The following VDR variants were observed in gnomAD, a reference collection of about 807,000 sequenced individuals.
The protein encoded by VDR is vitamin D3 receptor.
Under a neutral mutation model 39.7 loss-of-function variants are expected in VDR, and 19 were observed. The ratio of observed to expected loss-of-function variants is 0.48; its 90% CI spans 0.33 to 0.70. VDR has a LOEUF of 0.70. Among genes scored for constraint, VDR ranks in the 30% least tolerant of loss-of-function variants. The pLI is 0.02. For synonymous variants in VDR, 242 were observed against 215.8 expected (o/e 1.12, Z -1.07); for missense variants, 442 against 570.5 (o/e 0.77, Z 2.29).
At chr12:47,904,755 G>T in intron 1 of VDR, 200 bp downstream of exon 1, 2 of 981,380 alleles carry the variant, frequency 2.0e-6, no homozygotes, top group South Asian at 1.6e-5. Context: ...AGCCTGGCAC[G>T]AACTTCAGCT....
At chr12:47,845,564 C>T (rs1039210618) in intron 9 of VDR, among the ~76,000 whole-genome samples, 1 of 152,166 alleles carries the variant, frequency 6.6e-6, no homozygotes, top group African/African-American at 2.4e-5. Context: ...AATGTTTCCT[C>T]CTAAGCTTCA....
At chr12:47,862,865 C>G (rs1443670391) in intron 4 of VDR, among the ~76,000 whole-genome samples, 1 of 152,220 alleles carries the variant, frequency 6.6e-6, no homozygotes, top group African/African-American at 2.4e-5. Flanking sequence ...ACAGTCTTCC[C>G]TTCAGGAAAG....
intron 3 of VDR, among the ~76,000 whole-genome samples, chr12:47,865,661 C>G (rs1488060477): frequency 6.6e-6 from 1 of 151,216 alleles, no homozygotes; most frequent in Non-Finnish European, 1.5e-5. Context: ...AATCCTCTAT[C>G]CTAGGCCTCC....
intron 3 of VDR, among the ~76,000 whole-genome samples, chr12:47,872,363 G>A (rs1945901813): frequency 6.6e-6 from 1 of 152,190 alleles, no homozygotes; most frequent in Non-Finnish European, 1.5e-5. Flanking sequence ...AGCAGAAAGA[G>A]GCAGTGGGAG....
At chr12:47,881,022 C>T (rs936455758) in intron 2 of VDR, among the ~76,000 whole-genome samples, 1 of 149,958 alleles carries the variant, frequency 6.7e-6, no homozygotes, top group African/African-American at 2.4e-5. Context: ...ATCATTGCAG[C>T]GATAGCAAAG....
chr12:47,904,102 AGAGGAG>A (rs11574014), intron 1 of VDR, among the ~76,000 whole-genome samples: 7 of 148,646 alleles, frequency 4.7e-5, no homozygotes, highest in Non-Finnish European at 8.9e-5. Flanking sequence ...AGGAGGAACA[AGAGGAG>A]GAGGAGGAGG....
At chr12:47,904,522 A>AC (rs1388685197) in intron 1 of VDR, 12 of 1,416,762 alleles carry the variant, frequency 8.5e-6, no homozygotes, top group Non-Finnish European at 1.1e-5. Context: ...ATCACAGGTG[A>AC]CCATACCTGG....
In VDR at chr12:47,861,790, A is replaced by C. The variant is rs185074035; in HGVS notation, c.277+3257T>G. Reference sequence around the variant, plus strand: ...GCTGAGTGTGAAATAATTTTGCGCAAGTTATTCCCATGCAAGACATGTTCT... The same window carrying C: ...GCTGAGTGTGAAATAATTTTGCGCACGTTATTCCCATGCAAGACATGTTCT... On this transcript the variant is annotated intron_variant, in intron 4 of 9. Transcript: ENST00000549336. 7.9e-5 allele frequency among the ~76,000 whole-genome samples: 12 copies of C among 152,354 alleles called. No individual in the cohort carries two copies. In the East Asian group the frequency reaches 2.1e-3, roughly 27 times the overall value.
chr12:47,903,537 C>T (rs951638544), intron 1 of VDR, among the ~76,000 whole-genome samples: 1 of 152,250 alleles, frequency 6.6e-6, no homozygotes, highest in African/African-American at 2.4e-5. Context: ...CGGCAGGTCT[C>T]TCAACACACA....
rs557408076 is a variant in VDR, at chr12:47,845,790, G to A, written c.1024+545C>T. On this transcript the variant is annotated intron_variant, in intron 9 of 9. Transcript: ENST00000549336. The stretch of plus-strand genomic sequence containing the variant: ...CACTAGCACAGGCTGAGGCAGGGCC[G>A]CCCCTCTTTGGACCTCATCACCGAC... 3.3e-5 allele frequency among the ~76,000 whole-genome samples: 5 copies of A among 152,292 alleles called. No individual in the cohort carries two copies. In the South Asian group the frequency reaches 6.2e-4, roughly 19 times the overall value.
intron 3 of VDR, among the ~76,000 whole-genome samples, chr12:47,878,210 TTC>T (rs146997322): frequency 4.0e-5 from 6 of 151,600 alleles, no homozygotes; most frequent in South Asian, 2.1e-4. Flanking sequence ...TTTCAGGCTA[TTC>T]TCTCTCTCTC....
chr12:47,904,571 TC>T, intron 1 of VDR: 6 of 1,518,042 alleles, frequency 4.0e-6, no homozygotes, highest in Non-Finnish European at 5.3e-6. Flanking sequence ...CACCCTCCAC[TC>T]CAGCAGTTCT....
chr12:47,904,906 C>G (rs1946642209), intron 1 of VDR, 49 bp downstream of exon 1: 1 of 297,694 alleles, frequency 3.4e-6, no homozygotes, highest in Non-Finnish European at 6.4e-6. Flanking sequence ...CGCCCCGACC[C>G]CGAGTCCCTA....
intron 1 of VDR, among the ~76,000 whole-genome samples, chr12:47,902,841 G>T (rs1374733333): frequency 6.6e-6 from 1 of 152,200 alleles, no homozygotes; most frequent in African/African-American, 2.4e-5. Flanking sequence ...GTAGCCACCT[G>T]ATGTAGCCCA....
intron 3 of VDR, among the ~76,000 whole-genome samples, chr12:47,872,705 T>G (rs1945907755): frequency 6.6e-6 from 1 of 152,208 alleles, no homozygotes; most frequent in Non-Finnish European, 1.5e-5. Context: ...TAACTCCTTC[T>G]GTTTAGGAAC....
chr12:47,883,581 G>A (rs983298129), intron 1 of VDR, among the ~76,000 whole-genome samples: 1 of 152,056 alleles, frequency 6.6e-6, no homozygotes, highest in Non-Finnish European at 1.5e-5. Flanking sequence ...ACTCACACCC[G>A]GCCCTACTTG....
intron 1 of VDR, among the ~76,000 whole-genome samples, chr12:47,897,362 T>A (rs372238339): frequency 6.6e-6 from 1 of 152,030 alleles, no homozygotes; most frequent in South Asian, 2.1e-4. Flanking sequence ...AGACACTGGG[T>A]GGAATTGGGG....
At chr12:47,894,023 G>A (rs960410307) in intron 1 of VDR, among the ~76,000 whole-genome samples, 5 of 152,204 alleles carry the variant, frequency 3.3e-5, no homozygotes, top group Non-Finnish European at 7.3e-5. Context: ...AGCTGTCTCT[G>A]TTCTAAGCCT....
intron 1 of VDR, among the ~76,000 whole-genome samples, chr12:47,886,762 C>T (rs1017476082): frequency 6.6e-6 from 1 of 152,208 alleles, no homozygotes; most frequent in Admixed American, 6.5e-5. Context: ...GATATTCTAG[C>T]CAAACAGTTT....
Sources: gnomAD v4.1 joint callset for allele counts (sites outside exome capture counted in the v4.1 genomes callset) on GRCh38, gnomAD v4.1.1 for gene constraint, MANE v1.5 for transcripts, NCBI Gene and HGNC (gene_info 2026-07-23, HGNC 2026-07-21) for gene names.